Variants in SBF2 observed in about 807,000 individuals in gnomAD.
The protein encoded by SBF2 is myotubularin-related protein 13.
SBF2 carries 112 observed loss-of-function variants against 225.2 expected under a neutral mutation model. The observed-to-expected ratio is 0.50, with a 90% CI of 0.43 to 0.58. The LOEUF (loss-of-function observed/expected upper bound fraction) is 0.58, where lower values mean the gene tolerates loss of function less well. Among genes scored for constraint, SBF2 ranks in the 20% least tolerant of loss-of-function variants. The pLI, the probability that SBF2 is intolerant of heterozygous loss-of-function variation, is 0.00. For synonymous variants in SBF2, 763 were observed against 773.3 expected, an observed-to-expected ratio of 0.99 and a Z score of 0.22; for missense variants, 1,996 against 2,206.2, an observed-to-expected ratio of 0.90 and a Z score of 1.91.
intron 2 of SBF2, among the ~76,000 whole-genome samples, chr11:10,188,048 T>C (rs1031298689): frequency 6.6e-6 from 1 of 152,220 alleles, no homozygotes; most frequent in African/African-American, 2.4e-5. Context: ...TAAATTAACT[T>C]CGCTCAAGGC....
intron 2 of SBF2, among the ~76,000 whole-genome samples, chr11:10,126,911 C>A (rs921055674): frequency 1.3e-5 from 2 of 151,998 alleles, no homozygotes; most frequent in African/African-American, 2.4e-5. Flanking sequence ...GAAGTCATTA[C>A]ACTAAGTGAA....
At chr11:10,304,756 A>G (rs2133658055) in exon 1 of SBF2, 1 of 152,454 alleles carries the variant, frequency 6.6e-6, no homozygotes, top group African/African-American at 2.4e-5. Flanking sequence ...TGGGTCCTGG[A>G]TAAGGACCTC....
chr11:10,150,151 C>T (rs1955105721), intron 2 of SBF2, among the ~76,000 whole-genome samples: 1 of 152,044 alleles, frequency 6.6e-6, no homozygotes, highest in Non-Finnish European at 1.5e-5. Flanking sequence ...ATGCCAAAAT[C>T]CAAAACTATC....
intron 1 of SBF2, among the ~76,000 whole-genome samples, chr11:10,265,954 A>G (rs1038579600): frequency 6.6e-6 from 1 of 152,170 alleles, no homozygotes; most frequent in Admixed American, 6.5e-5. Flanking sequence ...TTCTAGCCTC[A>G]AGTGATCCTC....
chr11:10,103,898 T>C (rs761400042), intron 2 of SBF2, among the ~76,000 whole-genome samples: 11 of 152,078 alleles, frequency 7.2e-5, no homozygotes, highest in South Asian at 2.1e-4. Flanking sequence ...TTGGGCAACA[T>C]AGTCAGACCT....
intron 16 of SBF2, among the ~76,000 whole-genome samples, chr11:9,931,973 T>C (rs548387902): frequency 1.5e-4 from 23 of 151,972 alleles, no homozygotes; most frequent in African/African-American, 5.1e-4. Flanking sequence ...CACGAGAACT[T>C]CGTGACGCAT....
At chr11:9,942,823 A>G (rs1865334400) in intron 16 of SBF2, among the ~76,000 whole-genome samples, 1 of 151,500 alleles carries the variant, frequency 6.6e-6, no homozygotes, top group Non-Finnish European at 1.5e-5. Flanking sequence ...AGAGTAAGAG[A>G]GTAAGACCCT....
chr11:9,981,743 T>C (rs4910090), intron 13 of SBF2, among the ~76,000 whole-genome samples: 106,002 of 151,500 alleles, frequency 0.7, 37,358 homozygotes, highest in Non-Finnish European at 0.75. Context: ...ACAGATAAAG[T>C]ATATGTTAGA....
chr11:9,825,149 C>T (rs937806890), intron 28 of SBF2, among the ~76,000 whole-genome samples: 7 of 152,108 alleles, frequency 4.6e-5, no homozygotes, highest in Admixed American at 3.3e-4. Flanking sequence ...AAGATGAGGT[C>T]ATACTGGAGT....
At chr11:10,227,856 A>G (rs2135424538) in intron 1 of SBF2, among the ~76,000 whole-genome samples, 2 of 151,780 alleles carry the variant, frequency 1.3e-5, no homozygotes, top group Middle Eastern at 6.8e-3. Context: ...AATTCTGTGA[A>G]GAAAGTCATT....
chr11:9,837,737 A>G (rs1032934635), intron 26 of SBF2, among the ~76,000 whole-genome samples: 2 of 134,758 alleles, frequency 1.5e-5, no homozygotes, highest in African/African-American at 5.6e-5. Context: ...CCTTAAAAGC[A>G]GCAGAAAGCT....
At chr11:10,016,343 A>G (rs1180812804) in intron 6 of SBF2, 1 of 152,182 alleles carries the variant, frequency 6.6e-6, no homozygotes, top group Non-Finnish European at 1.5e-5. Context: ...TAGGAACAAT[A>G]TTCTAGTGCT....
chr11:10,130,870 T>C (rs944386057), intron 2 of SBF2, among the ~76,000 whole-genome samples: 2 of 152,162 alleles, frequency 1.3e-5, no homozygotes, highest in Non-Finnish European at 2.9e-5. Flanking sequence ...AGGGTATCAA[T>C]AGTTCATTAC....
chr11:10,091,925 G>T (rs1252110232), intron 2 of SBF2, among the ~76,000 whole-genome samples: 1 of 152,180 alleles, frequency 6.6e-6, no homozygotes, highest in East Asian at 1.9e-4. Flanking sequence ...TTACTTGGAA[G>T]AGGCCCAGAA....
Position 10,286,057 on chromosome 11 carries a change from G to A in SBF2, c.55+7958C>T, listed in dbSNP as rs962885283. On this transcript the variant is annotated intron_variant, in intron 1 of 39. Transcript: ENST00000256190. ...TGCCCAGGCTGGTCTCAAACTCCTGGACTCAAGCAATCCACCCACCTCAGC... is the reference window on the plus strand; with the variant it reads ...TGCCCAGGCTGGTCTCAAACTCCTGAACTCAAGCAATCCACCCACCTCAGC... Among the ~76,000 whole-genome samples, 5 of 151,972 alleles carry A rather than the reference G, an allele frequency of 3.3e-5. No individual in the cohort carries two copies. In the South Asian group the frequency reaches 1.0e-3, roughly 31 times the overall value.
At chr11:10,056,674 G>C (rs1265068719) in intron 2 of SBF2, among the ~76,000 whole-genome samples, 6 of 152,228 alleles carry the variant, frequency 3.9e-5, no homozygotes, top group African/African-American at 1.4e-4. Flanking sequence ...CTTTACATGA[G>C]TGGGTAATCC....
intron 6 of SBF2, among the ~76,000 whole-genome samples, chr11:10,022,884 T>C (rs1948914098): frequency 6.6e-6 from 1 of 152,176 alleles, no homozygotes; most frequent in African/African-American, 2.4e-5. Flanking sequence ...TGCAGTTTAA[T>C]GTGTTCCTCT....
intron 6 of SBF2, among the ~76,000 whole-genome samples, chr11:10,006,774 T>C (rs1384170981): frequency 1.3e-5 from 2 of 152,196 alleles, no homozygotes; most frequent in Non-Finnish European, 2.9e-5. Context: ...CTTCTCAATA[T>C]TGATCAAAAT....
At position 9,852,746 on chromosome 11, in the gene SBF2, AT is replaced by A; in HGVS notation, c.2539del (p.Ile847LeufsTer2). 1.9e-6 allele frequency: 3 copies of A among 1,607,880 alleles called. No homozygotes were observed. The highest frequency in any genetic ancestry group is 2.6e-6 in the Non-Finnish European group (3 of 1,174,416). On this transcript the variant is annotated frameshift_variant and splice_region_variant, in exon 21 of 40. Transcript: ENST00000256190. LOFTEE classifies it high-confidence loss of function. Reference sequence around the variant, plus strand: ...TAGGGTCTCAATGTGCATAGCTACAATTCCTAGGATGAGTCAGAGTATTCAA... The same window carrying A: ...TAGGGTCTCAATGTGCATAGCTACAATCCTAGGATGAGTCAGAGTATTCAA... ...IKSLHCMIPG[I>X]VAMHIETLEA...
Sources: allele counts gnomAD v4.1 joint callset (sites outside exome capture counted in the v4.1 genomes callset), GRCh38; gene constraint gnomAD v4.1.1; transcripts MANE v1.5; gene names NCBI Gene and HGNC (gene_info 2026-07-23, HGNC 2026-07-21).